Variants in ANKRD13B observed in about 807,000 individuals in gnomAD.
ANKRD13B encodes the protein ankyrin repeat domain 13B, also known as ankyrin repeat domain-containing protein 13B.
Under a neutral mutation model 74.4 loss-of-function variants are expected in ANKRD13B, and 33 were observed. That is an observed-to-expected ratio of 0.44 (90% CI 0.34 to 0.59). The LOEUF (loss-of-function observed/expected upper bound fraction) is 0.59, where lower values mean the gene tolerates loss of function less well. ANKRD13B is among the 20% of genes least tolerant of loss of function. The pLI is 0.02. For missense variants in ANKRD13B, 676 were observed against 877.9 expected (o/e 0.77, Z 2.91); for synonymous variants, 341 against 362.9 (o/e 0.94, Z 0.68).
Position 29,613,570 on chromosome 17 carries a change from G to T in ANKRD13B, c.1869G>T (p.Leu623=). 1 of 1,476,330 alleles carries T rather than the reference G, an allele frequency of 6.8e-7. No individual in the cohort carries two copies. Among genetic ancestry groups the T allele is most frequent in the Non-Finnish European group, 9.0e-7 (1 of 1,112,842 alleles). The allele number at this position is 1,476,330 out of a possible 1,614,324, so 91.5% of individuals were successfully genotyped here. ...EELERILRLS[L]TEQ ...TGGAGCGCATCCTGAGGCTCTCACT[G>T]ACCGAGCAGTAGCGCCCCCTGCCGG... The change falls in exon 15 of 15, where the codon CTG becomes CTT. Residue 623 remains leucine (L), a synonymous_variant. Coordinates refer to ENST00000394859, the MANE Select transcript of ANKRD13B (RefSeq NM_152345.5).
rs1423105529 is a variant in ANKRD13B at position 29,612,898 on chromosome 17, G to T, written c.1587G>T (p.Trp529Cys). 4 of 1,598,494 alleles carry T rather than the reference G, an allele frequency of 2.5e-6. No homozygotes were observed. The African/African-American group carries it at 4.0e-5, about 16-fold the overall frequency. The change falls in exon 14 of 15, where the codon TGG (tryptophan) becomes TGT (cysteine). Residue 529 changes from tryptophan (W) to cysteine (C), a missense_variant. Coordinates refer to ENST00000394859, the MANE Select transcript of ANKRD13B (RefSeq NM_152345.5). The surrounding 1 kb of genome is among the most constrained non-coding windows in gnomAD (Gnocchi z 6.1). ...AGSEYDQVTIWEALTNSKPGT... is the reference protein window; with the variant it reads ...AGSEYDQVTICEALTNSKPGT... ...ACGCCTCCCCGCAGGTCACCATCTG[G>T]GAGGCGCTAACCAACAGCAAGCCAG...
In ANKRD13B at chr17:29,609,358, C is replaced by T; in HGVS notation, c.759C>T (p.Asn253=). Residue 253 remains asparagine (N), a synonymous_variant, in exon 7 of 15, where the codon AAC becomes AAT. Transcript: ENST00000394859. The surrounding 1 kb of genome is among the most constrained non-coding windows in gnomAD (Gnocchi z 4.0). ...LDTKNISFER[N]KTGILGWRSE... ...CTGGACCACTCTGCTTCCCCAGGAACAAGACTGGCATCCTGGGCTGGCGCA... is the reference window on the plus strand; with the variant it reads ...CTGGACCACTCTGCTTCCCCAGGAATAAGACTGGCATCCTGGGCTGGCGCA... The T allele has an allele frequency of 6.2e-7, 1 of 1,613,588 alleles. No homozygotes were observed. The highest frequency in any genetic ancestry group is 8.5e-7 in the Non-Finnish European group (1 of 1,180,020).
At chr17:29,610,351 C>A (rs1015772183) in intron 7 of ANKRD13B, among the ~76,000 whole-genome samples, 10 of 152,148 alleles carry the variant, frequency 6.6e-5, no homozygotes, top group African/African-American at 2.2e-4. Context: ...GTGCTACCCC[C>A]ACCAGTGCAT....
At chr17:29,599,918 CCGCG>C (rs2034103564) in intron 1 of ANKRD13B, among the ~76,000 whole-genome samples, 1 of 142,788 alleles carries the variant, frequency 7.0e-6, no homozygotes, top group Non-Finnish European at 1.5e-5. Flanking sequence ...GCTCTGTCCC[CCGCG>C]CTAGAGTGCA....
Position 29,612,318 on chromosome 17 carries a change from C to T in ANKRD13B, c.1258+45C>T, listed in dbSNP as rs752190284. 2.5e-6 allele frequency: 4 copies of T among 1,612,232 alleles called. No individual in the cohort carries two copies. Among genetic ancestry groups the T allele is most frequent in the Non-Finnish European group, 1.7e-6 (2 of 1,178,722 alleles). ...TCTCCTGAGCCCGTGGCGGGCCGAC[C>T]GGGGTTTAGATGAGGTCGGGGTGGG... On this transcript the variant is annotated intron_variant, in intron 11 of 14. Transcript: ENST00000394859. This position sits in a 1 kb window ranked among gnomAD's most constrained non-coding sequence, Gnocchi z 6.1.
In ANKRD13B at chr17:29,593,292, C is replaced by T. The variant is rs1468348645; in HGVS notation, c.-330C>T. On this transcript the variant is annotated 5_prime_UTR_variant, in exon 1 of 15. Coordinates refer to ENST00000394859, the MANE Select transcript of ANKRD13B (RefSeq NM_152345.5). ...GCGCCCCCGCGCCCGCTGCGGGCGC[C>T]TGCTCCCTCCGCCGAGCGGCGTCTT... Among the ~76,000 whole-genome samples the T allele has an allele frequency of 6.7e-6, 1 of 148,416 alleles. No homozygotes were observed. Among genetic ancestry groups the T allele is most frequent in the Non-Finnish European group, 1.5e-5 (1 of 66,546 alleles).
intron 1 of ANKRD13B, among the ~76,000 whole-genome samples, chr17:29,604,631 T>A (rs560705373): frequency 6.6e-6 from 1 of 151,902 alleles, no homozygotes; most frequent in Non-Finnish European, 1.5e-5. Flanking sequence ...AACCTCCGCC[T>A]CCTGGGTTCA....
intron 8 of ANKRD13B, 35 bp downstream of exon 8, chr17:29,610,801 C>T (rs1214727080): frequency 6.2e-7 from 1 of 1,604,724 alleles, no homozygotes; most frequent in South Asian, 1.1e-5. Flanking sequence ...AGAGGTGTTG[C>T]AGGACTGCGG....
Position 29,608,016 on chromosome 17 carries a change from T to G in ANKRD13B, c.281T>G (p.Leu94Arg). ...CAGGAGGCTGTGAGTACCCGGGACC[T>G]GGAGCTGGTGCAGCTGGTGCTTCGG... is the stretch of plus-strand genomic sequence containing the variant. ...VLQEAVSTRD[L>R]ELVQLVLRYR... The change falls in exon 3 of 15, where the codon CTG (leucine) becomes CGG (arginine). Residue 94 changes from leucine to arginine, a missense_variant. By Grantham distance (102) the Leu-to-Arg change is moderately radical (BLOSUM62 -2). This residue lies in a region of ANKRD13B where 328 missense variants were observed against 518.4 expected (regional missense o/e 0.63). Transcript: ENST00000394859. The surrounding 1 kb of genome is among the most constrained non-coding windows in gnomAD (Gnocchi z 6.4). The G allele has an allele frequency of 6.2e-7, 1 of 1,611,574 alleles. No individual in the cohort carries two copies. The highest frequency in any genetic ancestry group is 8.5e-7 in the Non-Finnish European group (1 of 1,178,776).
rs936800819 is a variant in ANKRD13B at position 29,613,626 on chromosome 17, C to CA, written c.*45dup. On this transcript the variant is annotated 3_prime_UTR_variant, in exon 15 of 15. Coordinates refer to ENST00000394859, the MANE Select transcript of ANKRD13B (RefSeq NM_152345.5). ...TCGCCAGCGCCACGCGCGCCACGCC[C>CA]AGGGCCAGGAGCCAGACAAACCCCG... The CA allele has an allele frequency of 2.9e-6, 4 of 1,396,344 alleles. No individual in the cohort carries two copies. In the African/African-American group the frequency reaches 6.0e-5, roughly 21 times the overall value. The allele number at this position is 1,396,344 out of a possible 1,614,324, so 86.5% of individuals were successfully genotyped here. A position where few individuals can be genotyped will look rare whatever the true frequency, so the allele number is the denominator to read the frequency against.
At chr17:29,596,919 G>A (rs1396454495) in intron 1 of ANKRD13B, among the ~76,000 whole-genome samples, 2 of 152,170 alleles carry the variant, frequency 1.3e-5, no homozygotes, top group Non-Finnish European at 2.9e-5. Context: ...GGGTGACATG[G>A]AGGGAGAAGT....
chr17:29,612,693 G>GC lies in ANKRD13B; in HGVS notation c.1457dup (p.Arg487AlafsTer32). 1 of 1,592,480 alleles carries GC rather than the reference G, an allele frequency of 6.3e-7. No homozygotes were observed. The highest frequency in any genetic ancestry group is 8.5e-7 in the Non-Finnish European group (1 of 1,175,250). On this transcript the variant is annotated frameshift_variant, in exon 13 of 15. Transcript: ENST00000394859. LOFTEE classifies it high-confidence loss of function. This position sits in a 1 kb window ranked among gnomAD's most constrained non-coding sequence, Gnocchi z 6.1. ...CGAGATCTCCCCAGCGTTGTTCGAG[G>GC]CCCCGCGCGGCTACAGCATGATGGG...
Position 29,613,562 on chromosome 17 carries a change from C to A in ANKRD13B, c.1861C>A (p.Leu621Ile). 6.7e-7 allele frequency: 1 copy of A among 1,484,912 alleles called. No individual in the cohort carries two copies. The highest frequency in any genetic ancestry group is 2.2e-5 in the Admixed American group (1 of 44,508). 92.0% of individuals were successfully genotyped at this position (1,484,912 alleles called of 1,614,324 possible). Residue 621 changes from leucine (L) to isoleucine (I), a missense_variant, in exon 15 of 15, where the codon CTC becomes ATC. By Grantham distance (5) the Leu-to-Ile change is conservative. Coordinates refer to ENST00000394859, the MANE Select transcript of ANKRD13B (RefSeq NM_152345.5). ...EEEELERILRLSLTEQ is the reference protein window; with the variant it reads ...EEEELERILRISLTEQ ...GGAGGAGCTGGAGCGCATCCTGAGG[C>A]TCTCACTGACCGAGCAGTAGCGCCC...
intron 1 of ANKRD13B, among the ~76,000 whole-genome samples, chr17:29,597,223 C>A (rs1461085264): frequency 6.6e-6 from 1 of 152,212 alleles, no homozygotes; most frequent in East Asian, 1.9e-4. Flanking sequence ...GGATTCTGCT[C>A]ATGCTAAAGG....
At chr17:29,596,358 C>T (rs1209545919) in intron 1 of ANKRD13B, among the ~76,000 whole-genome samples, 1 of 152,218 alleles carries the variant, frequency 6.6e-6, no homozygotes, top group Non-Finnish European at 1.5e-5. Context: ...AGCCCGGTGC[C>T]CTGCTTGCCG....
chr17:29,612,049 C>T lies in ANKRD13B; in HGVS notation c.1100+43C>T, dbSNP rs769863180. ...GCTGGGAAGGTGGGGGGCCGGGGCT[C>T]CAGGAGATGCTGGGAGGCCATGGCT... On this transcript the variant is annotated intron_variant, in intron 10 of 14. Coordinates refer to ENST00000394859, the MANE Select transcript of ANKRD13B (RefSeq NM_152345.5). This position sits in a 1 kb window ranked among gnomAD's most constrained non-coding sequence, Gnocchi z 6.1. 1.2e-6 allele frequency: 2 copies of T among 1,608,302 alleles called. No homozygotes were observed. The highest frequency in any genetic ancestry group is 2.7e-5 in the African/African-American group (2 of 74,646).
Position 29,611,648 on chromosome 17 carries a change from G to C in ANKRD13B, c.969+5G>C. 1 of 1,613,972 alleles carries C rather than the reference G, an allele frequency of 6.2e-7. No homozygotes were observed. The highest frequency in any genetic ancestry group is 8.5e-7 in the Non-Finnish European group (1 of 1,179,830). On this transcript the variant is annotated splice_donor_5th_base_variant and intron_variant, in intron 9 of 14. Coordinates refer to ENST00000394859, the MANE Select transcript of ANKRD13B (RefSeq NM_152345.5). This position sits in a 1 kb window ranked among gnomAD's most constrained non-coding sequence, Gnocchi z 4.3. ...CACGGGGGCCCCCAAAATGGGGTGA[G>C]TGTGTGCAGGGGTACCCGTAAGTGG...
chr17:29,604,532 TTTTTC>T (rs1187962518), intron 1 of ANKRD13B, among the ~76,000 whole-genome samples: 29 of 147,598 alleles, frequency 2.0e-4, no homozygotes, highest in African/African-American at 6.1e-4. Context: ...TTTCTTTTTC[TTTTTC>T]TTTTCTTTTC....
chr17:29,599,882 T>G (rs1345806878), intron 1 of ANKRD13B, among the ~76,000 whole-genome samples: 1 of 131,536 alleles, frequency 7.6e-6, no homozygotes, highest in Non-Finnish European at 1.6e-5. Context: ...TTTTTTTTTT[T>G]TTTTTTTTTT....
Sources: allele counts gnomAD v4.1 joint callset (sites outside exome capture counted in the v4.1 genomes callset), GRCh38; gene constraint gnomAD v4.1.1; regional missense constraint gnomAD v4.1.1; non-coding constraint Gnocchi (gnomAD v3.1); transcripts MANE v1.5; gene names NCBI Gene and HGNC (gene_info 2026-07-23, HGNC 2026-07-21).